The following USP13 variants were observed in gnomAD, a reference collection of about 807,000 sequenced individuals.
The protein encoded by USP13 is ubiquitin carboxyl-terminal hydrolase 13.
Under a neutral mutation model 107.8 loss-of-function variants are expected in USP13, and 68 were observed. That is an observed-to-expected ratio of 0.63 (90% CI 0.52 to 0.77). The LOEUF (loss-of-function observed/expected upper bound fraction) is 0.77. Among genes scored for constraint, USP13 ranks in the 30% least tolerant of loss-of-function variants. The pLI is 0.00. For synonymous variants in USP13, 377 were observed against 389.5 expected, an observed-to-expected ratio of 0.97 and a Z score of 0.38; for missense variants, 945 against 1,093.3, an observed-to-expected ratio of 0.86 and a Z score of 1.91.
chr3:179,783,025 G>A (rs551833748), intron 20 of USP13, among the ~76,000 whole-genome samples: 1 of 152,292 alleles, frequency 6.6e-6, no homozygotes, highest in South Asian at 2.1e-4. Flanking sequence ...GATTACAGGT[G>A]TGAGTCACCG....
chr3:179,699,596 A>T (rs184832467), intron 3 of USP13, among the ~76,000 whole-genome samples: 55 of 149,512 alleles, frequency 3.7e-4, no homozygotes, highest in Admixed American at 7.4e-4. Context: ...GCTTCTCAGG[A>T]GGGTGAGGTG....
At chr3:179,758,442 C>T (rs1714882058) in intron 16 of USP13, among the ~76,000 whole-genome samples, 1 of 152,110 alleles carries the variant, frequency 6.6e-6, no homozygotes, top group Non-Finnish European at 1.5e-5. Context: ...GTCTTACCAA[C>T]AATCAGGAGA....
intron 4 of USP13, among the ~76,000 whole-genome samples, chr3:179,705,567 T>A (rs1240671966): frequency 6.6e-6 from 1 of 152,228 alleles, no homozygotes; most frequent in East Asian, 1.9e-4. Flanking sequence ...TTAGAATATA[T>A]TTTCAAAGTT....
Position 179,742,256 on chromosome 3 carries a change from C to T in USP13, c.1440C>T (p.Arg480=), listed in dbSNP as rs1456578236. The T allele has an allele frequency of 6.2e-7, 1 of 1,614,248 alleles. No homozygotes were observed. Among genetic ancestry groups the T allele is most frequent in the South Asian group, 1.1e-5 (1 of 91,084 alleles). The change falls in exon 12 of 21, where the codon CGC becomes CGT. Residue 480 remains arginine, a synonymous_variant. Coordinates refer to ENST00000263966, the MANE Select transcript of USP13 (RefSeq NM_003940.3). The surrounding 1 kb of genome is among the most constrained non-coding windows in gnomAD (Gnocchi z 5.0). ...TTTTTCGTTTTTTGGTGGAAGAACG[C>T]ATTCAGTGCTGTCAGACCCGGAAAG... is the stretch of plus-strand genomic sequence containing the variant. ...SDVFRFLVEE[R]IQCCQTRKVR...
chr3:179,692,309 C>T (rs1410715365), intron 3 of USP13, among the ~76,000 whole-genome samples: 1 of 152,218 alleles, frequency 6.6e-6, no homozygotes, highest in East Asian at 1.9e-4. Context: ...AAAGTGAAGC[C>T]ATTGAAAACT....
rs148464504 is a variant in USP13 at position 179,775,431 on chromosome 3, C to T, written c.2414-6308C>T. Reference sequence around the variant, plus strand: ...CATAAAAGTTCTCCAAGTCCCCACCCGACTCAGGAGCCCAACTGGCTTTGC... The same window carrying T: ...CATAAAAGTTCTCCAAGTCCCCACCTGACTCAGGAGCCCAACTGGCTTTGC... On this transcript the variant is annotated intron_variant, in intron 19 of 20. Transcript: ENST00000263966. Among the ~76,000 whole-genome samples the T allele has an allele frequency of 1.4e-4, 22 of 152,386 alleles. No individual in the cohort carries two copies. The East Asian group carries it at 2.5e-3, about 17-fold the overall frequency.
chr3:179,657,200 A>C (rs894967565), intron 1 of USP13, among the ~76,000 whole-genome samples: 1 of 152,142 alleles, frequency 6.6e-6, no homozygotes, highest in African/African-American at 2.4e-5. Flanking sequence ...GCCAATTAGT[A>C]ATCACATACA....
At chr3:179,695,088 C>T (rs1295499698) in intron 3 of USP13, among the ~76,000 whole-genome samples, 2 of 152,218 alleles carry the variant, frequency 1.3e-5, no homozygotes, top group East Asian at 3.9e-4. Flanking sequence ...GCCACAGACT[C>T]TTTCCCTCAA....
At chr3:179,771,416 G>C (rs1389604656) in intron 19 of USP13, among the ~76,000 whole-genome samples, 1 of 152,198 alleles carries the variant, frequency 6.6e-6, no homozygotes, top group African/African-American at 2.4e-5. Context: ...TCTCACCTGA[G>C]CTGAGAAGGG....
intron 15 of USP13, 114 bp from the exon 16 acceptor site, chr3:179,756,937 TG>T: frequency 2.0e-6 from 2 of 1,008,076 alleles, no homozygotes; most frequent in Non-Finnish European, 3.1e-6. Flanking sequence ...CAACAGTGTG[TG>T]GTCCCCAGGA....
At chr3:179,709,076 T>A (rs1006880539) in intron 6 of USP13, 119 bp downstream of exon 6, 1 of 1,217,790 alleles carries the variant, frequency 8.2e-7, no homozygotes, top group African/African-American at 1.5e-5. Flanking sequence ...CAGGTTTGAA[T>A]TCTAATTCTG....
intron 6 of USP13, 62 bp from the exon 7 acceptor site, chr3:179,719,878 T>C: frequency 2.1e-6 from 3 of 1,441,392 alleles, no homozygotes; most frequent in Non-Finnish European, 2.9e-6. Context: ...TCAAAAAATA[T>C]GTGTTGGATA....
At position 179,787,117 on chromosome 3, in the gene USP13, A is replaced by C. The variant is rs1464507212; in HGVS notation, c.*2976A>C. ...ACGTTGCTTCAATATTTTGGAATTG[A>C]CCAGGCTGCTTTCTCCTACCTGCAA... On this transcript the variant is annotated 3_prime_UTR_variant, in exon 21 of 21. Coordinates refer to ENST00000263966, the MANE Select transcript of USP13 (RefSeq NM_003940.3). The C allele has an allele frequency of 6.6e-6, 1 of 152,228 alleles. No homozygotes were observed. The highest frequency in any genetic ancestry group is 1.5e-5 in the Non-Finnish European group (1 of 68,042). 9.4% of individuals were successfully genotyped at this position (152,228 alleles called of 1,614,324 possible).
chr3:179,663,826 A>C (rs1319098936), intron 1 of USP13, among the ~76,000 whole-genome samples: 2 of 152,114 alleles, frequency 1.3e-5, no homozygotes, highest in East Asian at 3.9e-4. Flanking sequence ...GTGCTTGCTC[A>C]TGCTCTTGCG....
At chr3:179,695,000 G>A (rs1274653512) in intron 3 of USP13, among the ~76,000 whole-genome samples, 1 of 152,060 alleles carries the variant, frequency 6.6e-6, no homozygotes, top group African/African-American at 2.4e-5. Context: ...GCCCACCAGC[G>A]GGCTCCGCTG....
At chr3:179,674,755 G>A (rs753852048) in intron 1 of USP13, among the ~76,000 whole-genome samples, 3 of 152,042 alleles carry the variant, frequency 2.0e-5, no homozygotes, top group Non-Finnish European at 4.4e-5. Context: ...TTTCTCTGTG[G>A]CTTCAGGCTG....
chr3:179,735,494 T>C (rs543011598), intron 10 of USP13, among the ~76,000 whole-genome samples: 16 of 152,202 alleles, frequency 1.1e-4, no homozygotes, highest in Non-Finnish European at 2.2e-4. Flanking sequence ...AATGAATCTC[T>C]ATGTACTTGA....
chr3:179,667,175 G>A (rs535733294), intron 1 of USP13, among the ~76,000 whole-genome samples: 1 of 152,128 alleles, frequency 6.6e-6, no homozygotes, highest in Admixed American at 6.5e-5. Flanking sequence ...TGGCATTTAC[G>A]GAGTCTTGGG....
rs1714217858 is a variant in USP13, at chr3:179,742,017, A to AGG, written c.1381-180_1381-179insGG. On this transcript the variant is annotated intron_variant, in intron 11 of 20. Coordinates refer to ENST00000263966, the MANE Select transcript of USP13 (RefSeq NM_003940.3). The surrounding 1 kb of genome is among the most constrained non-coding windows in gnomAD (Gnocchi z 5.0). ...ACTATATTTTATTTTACCAATCCCC[A>AGG]TTTTTGGACTTTAGATAAATTCCAG... 2.6e-5 allele frequency among the ~76,000 whole-genome samples: 4 copies of AGG among 151,980 alleles called. No individual in the cohort carries two copies. The South Asian group carries it at 8.3e-4, about 32-fold the overall frequency.
Sources: gnomAD v4.1 joint callset for allele counts (sites outside exome capture counted in the v4.1 genomes callset) on GRCh38, gnomAD v4.1.1 for gene constraint, Gnocchi (gnomAD v3.1) non-coding constraint, MANE v1.5 for transcripts, NCBI Gene and HGNC (gene_info 2026-07-23, HGNC 2026-07-21) for gene names.